The following KIRREL1 variants were observed in gnomAD, a reference collection of about 807,000 sequenced individuals.
The protein encoded by KIRREL1 is kin of IRRE-like protein 1.
In KIRREL1, 25 loss-of-function variants were observed where a neutral mutation model predicts 83.3. The ratio of observed to expected loss-of-function variants is 0.30; its 90% confidence interval spans 0.22 to 0.42. The LOEUF is 0.42. Ranked by LOEUF, KIRREL1 falls within the 10% of genes least tolerant of loss-of-function variation. KIRREL1 has a pLI of 1.00. For synonymous variants in KIRREL1, 388 were observed against 410.4 expected (o/e 0.95, Z 0.66); for missense variants, 812 against 1,032.3 (o/e 0.79, Z 2.92).
chr1:158,078,199 C>A (rs563059152), intron 3 of KIRREL1, 59 bp downstream of exon 3: 4 of 1,531,484 alleles, frequency 2.6e-6, no homozygotes, highest in South Asian at 1.1e-5. Context: ...TCCTGGCAGT[C>A]TCTCCCACTC....
chr1:158,068,538 C>T (rs937209575), intron 1 of KIRREL1, among the ~76,000 whole-genome samples: 3 of 152,242 alleles, frequency 2.0e-5, no homozygotes, highest in Non-Finnish European at 4.4e-5. Flanking sequence ...GAGCCTCTGC[C>T]TGCCTCCATG....
At chr1:158,068,295 A>G (rs1246996723) in intron 1 of KIRREL1, among the ~76,000 whole-genome samples, 1 of 152,108 alleles carries the variant, frequency 6.6e-6, no homozygotes, top group Admixed American at 6.5e-5. Context: ...TGTCCATATC[A>G]CCTGACATCT....
At position 158,089,564 on chromosome 1, in the gene KIRREL1, C is replaced by T. The variant is rs1558017994; in HGVS notation, c.1107C>T (p.Tyr369=). The T allele has an allele frequency of 1.9e-6, 3 of 1,614,202 alleles. No homozygotes were observed. The highest frequency in any genetic ancestry group is 2.5e-6 in the Non-Finnish European group (3 of 1,180,034). The change falls in exon 9 of 15, where the codon TAC becomes TAT. Residue 369 remains tyrosine (Y), a synonymous_variant. Transcript: ENST00000359209. ...TGACTCAGGCAGACGCTGGCACCTA[C>T]ACCTGCCGGGCCATCGTGCCTCGAA... ...KSVTQADAGT[Y]TCRAIVPRIG... is the part of the protein sequence containing the mutation.
At position 158,042,944 on chromosome 1, in the gene KIRREL1, C is replaced by T. The variant is rs1056496471; in HGVS notation, c.53-33169C>T. Among the ~76,000 whole-genome samples the T allele has an allele frequency of 2.0e-4, 31 of 151,224 alleles. 1 individual carries two copies. The highest frequency in any genetic ancestry group is 6.8e-4 in the African/African-American group (28 of 41,158). ...AAAAAAAAAATACAAAAAAATTAGC[C>T]GGGCGTGGTGGCAGGCACCTGTAGT... is the stretch of plus-strand genomic sequence containing the variant. On this transcript the variant is annotated intron_variant, in intron 1 of 14. Transcript: ENST00000359209.
rs765689397 is a variant in KIRREL1, at chr1:158,093,416, G to A, written c.1549G>A (p.Val517Ile). ...ILLIFFFIAL[V>I]FFLYRRRKGS... is the part of the protein sequence containing the mutation. ...GCTCATCTTCTTCTTCATCGCCTTGGTATTCTTCCTCTACCGGCGCCGCAA... is the reference window on the plus strand; with the variant it reads ...GCTCATCTTCTTCTTCATCGCCTTGATATTCTTCCTCTACCGGCGCCGCAA... The change falls in exon 12 of 15, where the codon GTA becomes ATA. Residue 517 changes from valine to isoleucine, a missense_variant. Physicochemically the swap from Val to Ile is conservative, Grantham distance 29. Coordinates refer to ENST00000359209, the MANE Select transcript of KIRREL1 (RefSeq NM_018240.7). The A allele has an allele frequency of 2.5e-6, 4 of 1,614,188 alleles. No individual in the cohort carries two copies. The South Asian group carries it at 3.3e-5, about 13-fold the overall frequency.
chr1:158,061,652 T>G (rs1217483778), intron 1 of KIRREL1, among the ~76,000 whole-genome samples: 1 of 152,132 alleles, frequency 6.6e-6, no homozygotes, highest in East Asian at 1.9e-4. Flanking sequence ...GAGGCTGAGA[T>G]GTACTGACAC....
At chr1:158,016,474 A>G (rs1268501035) in intron 1 of KIRREL1, among the ~76,000 whole-genome samples, 1 of 152,206 alleles carries the variant, frequency 6.6e-6, no homozygotes, top group African/African-American at 2.4e-5. Flanking sequence ...GTTAACTCCC[A>G]GTTGACCCAA....
intron 1 of KIRREL1, among the ~76,000 whole-genome samples, chr1:158,010,326 AAC>A (rs56353855): frequency 0.25 from 17,954 of 71,948 alleles, 1,824 homozygotes; most frequent in East Asian, 0.53. Flanking sequence ...CCCCACCATA[AAC>A]ACACACACAC....
At chr1:158,076,010 C>T in intron 1 of KIRREL1, 103 bp from the exon 2 acceptor site, 1 of 1,132,230 alleles carries the variant, frequency 8.8e-7, no homozygotes, top group Non-Finnish European at 1.2e-6. Flanking sequence ...GTCCCCATCC[C>T]CAACTGGAGG....
At chr1:158,011,644 G>A (rs1347185151) in intron 1 of KIRREL1, among the ~76,000 whole-genome samples, 6 of 152,214 alleles carry the variant, frequency 3.9e-5, no homozygotes, top group Non-Finnish European at 8.8e-5. Context: ...GACACAGGTG[G>A]CTGGGAGATG....
At chr1:158,030,339 A>G (rs16839636) in intron 1 of KIRREL1, among the ~76,000 whole-genome samples, 8,429 of 152,306 alleles carry the variant, frequency 0.055, 309 homozygotes, top group South Asian at 0.2. Context: ...AGACTTGCAT[A>G]TATTTTAGAT....
At chr1:158,007,447 A>G (rs115016476) in intron 1 of KIRREL1, among the ~76,000 whole-genome samples, 2,141 of 152,150 alleles carry the variant, frequency 0.014, 23 homozygotes, top group Non-Finnish European at 0.019. Context: ...AGTGAGGGCT[A>G]TGTGGGCTGG....
intron 1 of KIRREL1, among the ~76,000 whole-genome samples, chr1:158,039,058 C>T (rs529941286): frequency 1.4e-4 from 22 of 152,162 alleles, no homozygotes; most frequent in Non-Finnish European, 2.8e-4. Flanking sequence ...ATGCTGGGCA[C>T]GCTGGACCGG....
chr1:158,056,407 C>T (rs1417528426), intron 1 of KIRREL1, among the ~76,000 whole-genome samples: 6 of 152,222 alleles, frequency 3.9e-5, no homozygotes, highest in Admixed American at 3.9e-4. Context: ...CAAGGTTCTG[C>T]ACCTGGGGAG....
chr1:158,037,126 T>C (rs1660497395), intron 1 of KIRREL1, among the ~76,000 whole-genome samples: 1 of 152,212 alleles, frequency 6.6e-6, no homozygotes, highest in Non-Finnish European at 1.5e-5. Flanking sequence ...CCTGGACACC[T>C]GGGTTCTAGT....
chr1:158,095,152 G>A lies in KIRREL1; in HGVS notation c.*32G>A, dbSNP rs752140050. ...GAGCCTGGCTGGGGCATCTCTGCGG[G>A]GCAGAGGAGAAGGCTTTCACAGCTG... is the stretch of plus-strand genomic sequence containing the variant. On this transcript the variant is annotated 3_prime_UTR_variant, in exon 15 of 15. Transcript: ENST00000359209. The A allele has an allele frequency of 1.3e-5, 19 of 1,454,728 alleles. No individual in the cohort carries two copies. The highest frequency in any genetic ancestry group is 1.8e-4 in the Middle Eastern group (1 of 5,578). The allele number at this position is 1,454,728 out of a possible 1,614,324, so 90.1% of individuals were successfully genotyped here. A position where few individuals can be genotyped will look rare whatever the true frequency, so the allele number is the denominator to read the frequency against.
At position 158,097,619 on chromosome 1, in the gene KIRREL1, C is replaced by G; in HGVS notation, c.*2499C>G. ...CATCAGCAACCAAGGTAGTCTCTGCCCTCTGTAACTTACGTGTTGGTGCAT... is the reference window on the plus strand; with the variant it reads ...CATCAGCAACCAAGGTAGTCTCTGCGCTCTGTAACTTACGTGTTGGTGCAT... On this transcript the variant is annotated 3_prime_UTR_variant, in exon 15 of 15. Coordinates refer to ENST00000359209, the MANE Select transcript of KIRREL1 (RefSeq NM_018240.7). 1 of 154,608 alleles carries G rather than the reference C, an allele frequency of 6.5e-6. No homozygotes were observed. Among genetic ancestry groups the G allele is most frequent in the Non-Finnish European group, 1.4e-5 (1 of 69,798 alleles). 9.6% of individuals were successfully genotyped at this position (154,608 alleles called of 1,614,324 possible). A position where few individuals can be genotyped will look rare whatever the true frequency, so the allele number is the denominator to read the frequency against.
At chr1:158,069,464 C>T (rs1384666449) in intron 1 of KIRREL1, among the ~76,000 whole-genome samples, 1 of 152,158 alleles carries the variant, frequency 6.6e-6, no homozygotes, top group Non-Finnish European at 1.5e-5. Context: ...AGTGTGTTCA[C>T]ACACAGAGAC....
intron 1 of KIRREL1, among the ~76,000 whole-genome samples, chr1:158,026,404 G>A (rs565215630): frequency 1.3e-5 from 2 of 152,308 alleles, no homozygotes; most frequent in East Asian, 1.9e-4. Context: ...TCTAGGCCCC[G>A]TGGAGGACCC....
Sources: gnomAD v4.1 joint callset for allele counts (sites outside exome capture counted in the v4.1 genomes callset) on GRCh38, gnomAD v4.1.1 for gene constraint, MANE v1.5 for transcripts, NCBI Gene and HGNC (gene_info 2026-07-23, HGNC 2026-07-21) for gene names.